Variants in SPIRE1 observed in about 807,000 individuals in gnomAD.
SPIRE1 encodes protein spire homolog 1.
Under a neutral mutation model 94.1 loss-of-function variants are expected in SPIRE1, and 40 were observed. The ratio of observed to expected loss-of-function variants is 0.43; its 90% CI spans 0.33 to 0.55. SPIRE1 has a LOEUF of 0.55. SPIRE1 is among the 20% of genes least tolerant of loss of function. The pLI, the probability that SPIRE1 is intolerant of heterozygous loss-of-function variation, is 0.06. For missense variants in SPIRE1, 838 were observed against 975.2 expected (o/e 0.86, Z 1.87); for synonymous variants, 376 against 371.7 (o/e 1.01, Z -0.13).
chr18:12,461,763 G>A (rs1333632502), intron 12 of SPIRE1, among the ~76,000 whole-genome samples: 1 of 152,066 alleles, frequency 6.6e-6, no homozygotes, highest in Non-Finnish European at 1.5e-5. Context: ...GAGTAGCTGG[G>A]ATTACGGGCA....
intron 2 of SPIRE1, among the ~76,000 whole-genome samples, chr18:12,562,950 C>G (rs868386196): frequency 6.6e-6 from 1 of 152,118 alleles, no homozygotes; most frequent in Middle Eastern, 3.4e-3. Flanking sequence ...ATGATATTGG[C>G]AGATGCAATT....
chr18:12,550,035 A>G (rs1381679957), intron 2 of SPIRE1, among the ~76,000 whole-genome samples: 1 of 152,196 alleles, frequency 6.6e-6, no homozygotes, highest in East Asian at 1.9e-4. Flanking sequence ...AGCTCCAAAT[A>G]AAACAATCAT....
intron 1 of SPIRE1, among the ~76,000 whole-genome samples, chr18:12,647,913 T>C (rs1363985113): frequency 6.6e-6 from 1 of 152,114 alleles, no homozygotes; most frequent in African/African-American, 2.4e-5. Flanking sequence ...CCTTGAAACA[T>C]CTTGCAGTGC....
chr18:12,598,431 T>C (rs566784932), intron 2 of SPIRE1, among the ~76,000 whole-genome samples: 11 of 152,290 alleles, frequency 7.2e-5, no homozygotes, highest in Non-Finnish European at 1.6e-4. Flanking sequence ...TAACATATTT[T>C]TAGCATATGC....
intron 2 of SPIRE1, among the ~76,000 whole-genome samples, chr18:12,617,318 G>A (rs926373847): frequency 6.6e-6 from 1 of 151,770 alleles, no homozygotes; most frequent in Non-Finnish European, 1.5e-5. Context: ...GGGTTCAAGC[G>A]ATTCTCCTGT....
intron 13 of SPIRE1, among the ~76,000 whole-genome samples, chr18:12,454,073 A>G (rs1413476342): frequency 6.6e-6 from 1 of 152,150 alleles, no homozygotes; most frequent in Non-Finnish European, 1.5e-5. Flanking sequence ...ATGAGCCACC[A>G]TGCCTGGCCA....
intron 4 of SPIRE1, among the ~76,000 whole-genome samples, chr18:12,519,755 TA>T (rs2144087708): frequency 6.6e-6 from 1 of 152,342 alleles, no homozygotes; most frequent in African/African-American, 2.4e-5. Flanking sequence ...TTAAAATTGT[TA>T]AGATACTAAT....
chr18:12,658,792 G>T, upstream of SPIRE1: 1 of 314,602 alleles, frequency 3.2e-6, no homozygotes, highest in East Asian at 9.8e-5. Flanking sequence ...CGTAAAGACG[G>T]GGATCTTTAC....
chr18:12,465,516 T>C (rs2032056647), intron 10 of SPIRE1, among the ~76,000 whole-genome samples: 1 of 152,164 alleles, frequency 6.6e-6, no homozygotes, highest in Non-Finnish European at 1.5e-5. Flanking sequence ...ACTTTTTCCA[T>C]AGGGTTATTG....
rs2031040301 is a variant in SPIRE1, at chr18:12,448,245, G to A, written c.*1393C>T. On this transcript the variant is annotated 3_prime_UTR_variant, in exon 17 of 17. Coordinates refer to ENST00000409402, the MANE Select transcript of SPIRE1 (RefSeq NM_001128626.2). This position sits in a 1 kb window ranked among gnomAD's most constrained non-coding sequence, Gnocchi z 4.4. ...ATTACTGTTAATTTAGTATAGAAATGTTACTGTATTTTGATGTGGTATGAA... is the reference window on the plus strand; with the variant it reads ...ATTACTGTTAATTTAGTATAGAAATATTACTGTATTTTGATGTGGTATGAA... 6.6e-6 allele frequency: 1 copy of A among 152,602 alleles called. No homozygotes were observed. The allele number at this position is 152,602 out of a possible 1,614,324, so 9.5% of individuals were successfully genotyped here.
At chr18:12,658,162 G>A, upstream of SPIRE1, 2 of 893,174 alleles carry the variant, frequency 2.2e-6, no homozygotes, top group Non-Finnish European at 2.8e-6. Flanking sequence ...CCCAGCGCCC[G>A]CCCCTTAGGG....
intron 10 of SPIRE1, among the ~76,000 whole-genome samples, chr18:12,466,390 C>T (rs1487252034): frequency 6.6e-6 from 1 of 152,100 alleles, no homozygotes; most frequent in East Asian, 1.9e-4. Flanking sequence ...AATTCTCCTG[C>T]CTCAGCCTCC....
intron 1 of SPIRE1, among the ~76,000 whole-genome samples, chr18:12,643,195 GAAGAC>G (rs1174060233): frequency 6.6e-6 from 1 of 152,160 alleles, no homozygotes; most frequent in Admixed American, 6.5e-5. Context: ...TCCTGTGTTA[GAAGAC>G]AAGGACAATG....
Position 12,448,439 on chromosome 18 carries a change from C to A in SPIRE1, c.*1199G>T, listed in dbSNP as rs2031051477. 6.6e-6 allele frequency: 1 copy of A among 152,474 alleles called. No individual in the cohort carries two copies. Among genetic ancestry groups the A allele is most frequent in the Non-Finnish European group, 1.5e-5 (1 of 68,040 alleles). 9.4% of individuals were successfully genotyped at this position (152,474 alleles called of 1,614,324 possible). The stretch of plus-strand genomic sequence containing the variant: ...AGCATACCAAAATAATACAGTATAG[C>A]CCACGTATGAGCCAAACACACTGAG... On this transcript the variant is annotated 3_prime_UTR_variant, in exon 17 of 17. Coordinates refer to ENST00000409402, the MANE Select transcript of SPIRE1 (RefSeq NM_001128626.2). This position sits in a 1 kb window ranked among gnomAD's most constrained non-coding sequence, Gnocchi z 4.4.
intron 9 of SPIRE1, among the ~76,000 whole-genome samples, chr18:12,483,597 A>C (rs2032923090): frequency 6.6e-6 from 1 of 152,310 alleles, no homozygotes; most frequent in African/African-American, 2.4e-5. Context: ...CCTGTATAGG[A>C]AAAATAAGTT....
intron 3 of SPIRE1, among the ~76,000 whole-genome samples, chr18:12,538,804 G>C (rs2144225104): frequency 6.6e-6 from 1 of 152,234 alleles, no homozygotes; most frequent in Middle Eastern, 3.4e-3. Flanking sequence ...GTGGCACCAT[G>C]CCCAGCTGAG....
intron 3 of SPIRE1, among the ~76,000 whole-genome samples, chr18:12,542,117 C>G (rs2035032392): frequency 6.6e-6 from 1 of 151,932 alleles, no homozygotes; most frequent in Non-Finnish European, 1.5e-5. Context: ...GCTGGGATTA[C>G]AGGCATGCAG....
chr18:12,649,914 G>A (rs533411626), intron 1 of SPIRE1, among the ~76,000 whole-genome samples: 6 of 152,170 alleles, frequency 3.9e-5, no homozygotes, highest in Non-Finnish European at 5.9e-5. Context: ...CCCAACACAC[G>A]TAGAAATATA....
chr18:12,517,669 A>G (rs2034235646), intron 4 of SPIRE1, among the ~76,000 whole-genome samples: 1 of 152,180 alleles, frequency 6.6e-6, no homozygotes, highest in Non-Finnish European at 1.5e-5. Flanking sequence ...TCAAGCTGGC[A>G]ATTAGAACTG....
Sources: gnomAD v4.1 joint callset for allele counts (sites outside exome capture counted in the v4.1 genomes callset) on GRCh38, gnomAD v4.1.1 for gene constraint, Gnocchi (gnomAD v3.1) non-coding constraint, MANE v1.5 for transcripts, NCBI Gene and HGNC (gene_info 2026-07-23, HGNC 2026-07-21) for gene names.